SANBR: variants seen among roughly 807,000 people sequenced by gnomAD.
SANBR encodes the protein SANT and BTB domain regulator of class switch recombination.
Under a neutral mutation model 101.8 loss-of-function variants are expected in SANBR, and 77 were observed. The observed-to-expected ratio is 0.76, with a 90% CI of 0.63 to 0.91. The LOEUF is 0.91. Ranked by LOEUF, SANBR falls within the 40% of genes least tolerant of loss-of-function variation. SANBR has a pLI of 0.00. For missense variants in SANBR, 875 were observed against 853.0 expected, an observed-to-expected ratio of 1.03 and a Z score of -0.32; for synonymous variants, 279 against 274.7, an observed-to-expected ratio of 1.02 and a Z score of -0.15.
intron 3 of SANBR, among the ~76,000 whole-genome samples, chr2:61,071,146 C>T (rs1398486550): frequency 1.3e-5 from 2 of 152,054 alleles, no homozygotes; most frequent in Non-Finnish European, 2.9e-5. Context: ...GAAATGTATA[C>T]AAATATTCTA....
At chr2:61,115,518 A>G (rs1177915416) in intron 16 of SANBR, among the ~76,000 whole-genome samples, 1 of 152,136 alleles carries the variant, frequency 6.6e-6, no homozygotes, top group African/African-American at 2.4e-5. Context: ...CTTTTAGTAT[A>G]AATGTAAATG....
Position 61,123,641 on chromosome 2 carries a change from A to G in SANBR, c.*1479A>G, listed in dbSNP as rs1268241317. On this transcript the variant is annotated 3_prime_UTR_variant, in exon 22 of 22. Coordinates refer to ENST00000402291, the MANE Select transcript of SANBR (RefSeq NM_001129993.3). ...TTAAAGGATTTGGATTTGTACATGT[A>G]AACAGTGCTGTAATGGTCACGACTA... 2.0e-6 allele frequency: 2 copies of G among 985,378 alleles called. No individual in the cohort carries two copies. The highest frequency in any genetic ancestry group is 2.4e-6 in the Non-Finnish European group (2 of 829,760). 61.0% of individuals were successfully genotyped at this position (985,378 alleles called of 1,614,324 possible).
chr2:61,116,411 A>C (rs967916581), intron 17 of SANBR, among the ~76,000 whole-genome samples: 2 of 152,222 alleles, frequency 1.3e-5, no homozygotes, highest in African/African-American at 4.8e-5. Context: ...TGTAAGGGAC[A>C]GAAGTGAGAG....
chr2:61,109,680 T>G (rs1463738003), intron 16 of SANBR, among the ~76,000 whole-genome samples: 2 of 138,446 alleles, frequency 1.4e-5, no homozygotes, highest in African/African-American at 2.8e-5. Context: ...TTTTTGTGTT[T>G]GTTTTTTTTT....
chr2:61,079,029 A>C (rs1453727976), intron 6 of SANBR, among the ~76,000 whole-genome samples: 1 of 151,840 alleles, frequency 6.6e-6, no homozygotes, highest in Non-Finnish European at 1.5e-5. Flanking sequence ...ACAGAGTGAG[A>C]CCCTTTCTAA....
intron 8 of SANBR, among the ~76,000 whole-genome samples, chr2:61,087,578 G>A (rs1682504371): frequency 6.6e-6 from 1 of 151,990 alleles, no homozygotes; most frequent in Non-Finnish European, 1.5e-5. Context: ...AAGGCCGGGT[G>A]CAGTGGCTCA....
At chr2:61,134,613 GGCC>G (rs1240163100) in intron 21 of SANBR, among the ~76,000 whole-genome samples, 1 of 152,190 alleles carries the variant, frequency 6.6e-6, no homozygotes, top group African/African-American at 2.4e-5. Context: ...ATATATTGTT[GGCC>G]AGGCACGGTG....
At chr2:61,079,065 A>AT (rs1681948017) in intron 6 of SANBR, among the ~76,000 whole-genome samples, 1 of 152,094 alleles carries the variant, frequency 6.6e-6, no homozygotes, top group Non-Finnish European at 1.5e-5. Context: ...AAACATAGTT[A>AT]TTTTAATAAA....
intron 14 of SANBR, 81 bp downstream of exon 14, chr2:61,106,743 T>C: frequency 1.2e-6 from 1 of 850,298 alleles, no homozygotes; most frequent in Non-Finnish European, 1.8e-6. Flanking sequence ...CTGATCAGTT[T>C]AAGTTGAAAT....
chr2:61,076,850 A>C, intron 5 of SANBR, 70 bp from the exon 6 acceptor site: 1 of 1,073,974 alleles, frequency 9.3e-7, no homozygotes, highest in South Asian at 1.4e-5. Flanking sequence ...TCCCTTCACT[A>C]AATGTCAGTA....
In SANBR at chr2:61,106,544, A is replaced by G. The variant is rs758942426; in HGVS notation, c.1512-19A>G. On this transcript the variant is annotated intron_variant, in intron 13 of 21. Coordinates refer to ENST00000402291, the MANE Select transcript of SANBR (RefSeq NM_001129993.3). The stretch of plus-strand genomic sequence containing the variant: ...AAGAAAGTAAACTCTTCTCCGTAAA[A>G]ATGTCTTTTTCTTTCAAGTGATGTT... 1 of 1,494,584 alleles carries G rather than the reference A, an allele frequency of 6.7e-7. No homozygotes were observed. Among genetic ancestry groups the G allele is most frequent in the Non-Finnish European group, 9.2e-7 (1 of 1,089,770 alleles). 92.6% of individuals were successfully genotyped at this position (1,494,584 alleles called of 1,614,324 possible).
downstream of SANBR, among the ~76,000 whole-genome samples, chr2:61,124,924 C>T (rs4672416): frequency 0.039 from 5,932 of 152,098 alleles, 165 homozygotes; most frequent in Admixed American, 0.074. Context: ...AGCTTGTCTA[C>T]TAAAGGCACG....
chr2:61,092,673 A>C, intron 11 of SANBR, 86 bp downstream of exon 11: 1 of 1,131,568 alleles, frequency 8.8e-7, no homozygotes, highest in Non-Finnish European at 1.2e-6. Flanking sequence ...GATATGTTTA[A>C]ATGTGTTTTG....
rs1050972890 is a variant in SANBR at position 61,106,120 on chromosome 2, C to T, written c.1512-443C>T. ...AAGAAATGTCATCGTTGGCTGGGCG[C>T]GGTGGCTCACACCTGTAATCCCAGC... On this transcript the variant is annotated intron_variant, in intron 13 of 21. Transcript: ENST00000402291. 6.6e-5 allele frequency among the ~76,000 whole-genome samples: 10 copies of T among 152,098 alleles called. No homozygotes were observed. In the Middle Eastern group the frequency reaches 0.017, roughly 260 times the overall value.
chr2:61,072,047 C>T (rs925333144), intron 4 of SANBR, among the ~76,000 whole-genome samples: 1 of 152,110 alleles, frequency 6.6e-6, no homozygotes, highest in Admixed American at 6.6e-5. Context: ...AAGAGATCCT[C>T]CTGCCTCAGC....
rs771414154 is a variant in SANBR at position 61,092,506 on chromosome 2, C to T, written c.1131C>T (p.Phe377=). The T allele has an allele frequency of 1.9e-5, 30 of 1,603,072 alleles. No homozygotes were observed. The South Asian group carries it at 3.0e-4, about 16-fold the overall frequency. ...TTCATGAGTATTTGAATAGTCTTTTCGAAGAATTAAAATCTTGGAGAGATG... is the reference window on the plus strand; with the variant it reads ...TTCATGAGTATTTGAATAGTCTTTTTGAAGAATTAAAATCTTGGAGAGATG... ...WDVHEYLNSL[F]EELKSWRDVY... Residue 377 remains phenylalanine, a synonymous_variant, in exon 11 of 22, where the codon TTC becomes TTT. Transcript: ENST00000402291.
intron 6 of SANBR, among the ~76,000 whole-genome samples, chr2:61,080,849 A>C (rs558071621): frequency 1.3e-5 from 2 of 152,184 alleles, no homozygotes; most frequent in Admixed American, 1.3e-4. Context: ...TAGTACTGTA[A>C]TGATGCAAAA....
chr2:61,110,920 C>G (rs1683800915), intron 16 of SANBR, among the ~76,000 whole-genome samples: 1 of 151,916 alleles, frequency 6.6e-6, no homozygotes, highest in Non-Finnish European at 1.5e-5. Flanking sequence ...CTTAGTGAAC[C>G]CGTAACTCTT....
At chr2:61,090,640 C>T (rs538650983) in intron 10 of SANBR, 1 of 153,266 alleles carries the variant, frequency 6.5e-6, no homozygotes, top group Admixed American at 6.5e-5. Context: ...CCACATCAGC[C>T]TCCTGAGCTA....
Sources: gnomAD v4.1 joint callset for allele counts (sites outside exome capture counted in the v4.1 genomes callset) on GRCh38, gnomAD v4.1.1 for gene constraint, MANE v1.5 for transcripts, NCBI Gene and HGNC (gene_info 2026-07-23, HGNC 2026-07-21) for gene names.